NCKAP5: variants seen among roughly 807,000 people sequenced by gnomAD.
The protein encoded by NCKAP5 is nck-associated protein 5.
NCKAP5 carries 92 observed loss-of-function variants against 167.0 expected under a neutral mutation model. That is an observed-to-expected ratio of 0.55 (90% confidence interval 0.47 to 0.66). The LOEUF (loss-of-function observed/expected upper bound fraction) is 0.66. Among genes scored for constraint, NCKAP5 ranks in the 30% least tolerant of loss-of-function variants. The pLI is 0.00. For synonymous variants in NCKAP5, 891 were observed against 877.4 expected, an observed-to-expected ratio of 1.02 and a Z score of -0.27; for missense variants, 2,378 against 2,315.0, an observed-to-expected ratio of 1.03 and a Z score of -0.56.
At chr2:133,597,673 C>CAAAAAAAAAAAAAA in the NCKAP5 span, among the ~76,000 whole-genome samples, 61 of 61,084 alleles carry the variant, frequency 1.0e-3, no homozygotes, top group African/African-American at 1.4e-3. Flanking sequence ...GACTCTGTCT[C>CAAAAAAAAAAAAAA]AAAAAAAAAA....
chr2:133,500,713 T>TAAGCAA (rs1484463779), intron 3 of NCKAP5, among the ~76,000 whole-genome samples: 21 of 152,360 alleles, frequency 1.4e-4, no homozygotes, highest in African/African-American at 4.8e-4. Context: ...ATCTCATTTT[T>TAAGCAA]AGACAGCAGT....
chr2:133,201,218 C>G (rs559509427), intron 5 of NCKAP5, among the ~76,000 whole-genome samples: 1 of 152,148 alleles, frequency 6.6e-6, no homozygotes, highest in Non-Finnish European at 1.5e-5. Context: ...TGACTCACAT[C>G]GTCAGACAGC....
chr2:133,098,532 C>A (rs1411000440), intron 6 of NCKAP5, among the ~76,000 whole-genome samples: 1 of 152,102 alleles, frequency 6.6e-6, no homozygotes, highest in Non-Finnish European at 1.5e-5. Context: ...ACTTACTGCT[C>A]GTGGTTACTG....
At chr2:133,084,380 T>C (rs942762785) in intron 6 of NCKAP5, among the ~76,000 whole-genome samples, 11 of 152,104 alleles carry the variant, frequency 7.2e-5, no homozygotes, top group Non-Finnish European at 2.9e-5. Flanking sequence ...CAAAATATCA[T>C]GGATAGTTAA....
intron 8 of NCKAP5, among the ~76,000 whole-genome samples, chr2:132,942,572 C>A (rs281576): frequency 0.81 from 123,249 of 152,184 alleles, 50,240 homozygotes; most frequent in African/African-American, 0.91. Flanking sequence ...TCTGAGATGC[C>A]GATATAATTT....
At chr2:133,167,351 AT>A (rs1309558604) in intron 5 of NCKAP5, among the ~76,000 whole-genome samples, 2 of 152,206 alleles carry the variant, frequency 1.3e-5, no homozygotes, top group African/African-American at 4.8e-5. Flanking sequence ...TATCCTTGCC[AT>A]CATTAAGAAT....
chr2:133,083,094 T>C (rs2080866775), intron 6 of NCKAP5, among the ~76,000 whole-genome samples: 1 of 152,096 alleles, frequency 6.6e-6, no homozygotes, highest in African/African-American at 2.4e-5. Flanking sequence ...GTGATGTCTG[T>C]GCCTCTCTTT....
chr2:132,702,788 C>T (rs1688002418), intron 19 of NCKAP5, among the ~76,000 whole-genome samples: 1 of 152,164 alleles, frequency 6.6e-6, no homozygotes, highest in South Asian at 2.1e-4. Flanking sequence ...TCCAAACCTC[C>T]CATCACTTTC....
intron 6 of NCKAP5, among the ~76,000 whole-genome samples, chr2:133,115,617 CA>C (rs1318883980): frequency 6.6e-6 from 1 of 151,370 alleles, no homozygotes; most frequent in Non-Finnish European, 1.5e-5. Flanking sequence ...TTTCCCATCC[CA>C]TCTTCTCTCT....
At chr2:132,706,215 G>A (rs1278692554) in intron 19 of NCKAP5, among the ~76,000 whole-genome samples, 1 of 151,934 alleles carries the variant, frequency 6.6e-6, no homozygotes, top group East Asian at 1.9e-4. Flanking sequence ...ATCCCTATTC[G>A]GTTCCCCTGG....
At chr2:133,437,808 G>T (rs969091394) in intron 3 of NCKAP5, among the ~76,000 whole-genome samples, 1 of 152,298 alleles carries the variant, frequency 6.6e-6, no homozygotes, top group East Asian at 1.9e-4. Context: ...GATGTTAAAA[G>T]TGCCTACCAC....
intron 4 of NCKAP5, among the ~76,000 whole-genome samples, chr2:133,282,704 A>G (rs2089974792): frequency 6.6e-6 from 1 of 152,228 alleles, no homozygotes; most frequent in African/African-American, 2.4e-5. Context: ...GTGGTTTAGA[A>G]GGCTTACACC....
the NCKAP5 span, among the ~76,000 whole-genome samples, chr2:133,651,198 A>G: frequency 6.6e-6 from 1 of 152,242 alleles, no homozygotes; most frequent in African/African-American, 2.4e-5. Flanking sequence ...AACAATCAAC[A>G]GAGTGAAAGG....
At chr2:133,369,206 T>C (rs1685643364) in intron 3 of NCKAP5, among the ~76,000 whole-genome samples, 1 of 152,174 alleles carries the variant, frequency 6.6e-6, no homozygotes, top group Non-Finnish European at 1.5e-5. Context: ...ACTGCATGAA[T>C]GTTCCAGAAG....
chr2:132,721,829 C>T (rs1451453301), intron 19 of NCKAP5, among the ~76,000 whole-genome samples: 1 of 152,204 alleles, frequency 6.6e-6, no homozygotes, highest in Non-Finnish European at 1.5e-5. Flanking sequence ...AACACATCCT[C>T]TTTTAAAGGC....
At chr2:132,951,973 C>T (rs2076201372) in intron 8 of NCKAP5, among the ~76,000 whole-genome samples, 1 of 152,056 alleles carries the variant, frequency 6.6e-6, no homozygotes. Flanking sequence ...TTTTGTTTTC[C>T]ACTTCTACTC....
chr2:132,927,100 T>A (rs1695961266), intron 8 of NCKAP5, among the ~76,000 whole-genome samples: 1 of 152,182 alleles, frequency 6.6e-6, no homozygotes. Context: ...GGCAATCCAA[T>A]TTTCCCAGCA....
chr2:132,956,346 G>A (rs993185608), intron 8 of NCKAP5, among the ~76,000 whole-genome samples: 1 of 152,160 alleles, frequency 6.6e-6, no homozygotes. Context: ...AATCCTGGCT[G>A]TGCATCTGAA....
intron 3 of NCKAP5, among the ~76,000 whole-genome samples, chr2:133,354,960 G>T (rs891086671): frequency 6.6e-6 from 1 of 152,020 alleles, no homozygotes; most frequent in Non-Finnish European, 1.5e-5. Context: ...ATATGGTGTG[G>T]AATAAAATAT....
Sources: gnomAD v4.1 joint callset for allele counts (sites outside exome capture counted in the v4.1 genomes callset) on GRCh38, gnomAD v4.1.1 for gene constraint, MANE v1.5 for transcripts, NCBI Gene and HGNC (gene_info 2026-07-23, HGNC 2026-07-21) for gene names.